Variants in ZBTB41 observed in about 807,000 individuals in gnomAD.
ZBTB41 encodes zinc finger and BTB domain containing 41.
Under a neutral mutation model 87.6 loss-of-function variants are expected in ZBTB41, and 42 were observed. That is an observed-to-expected ratio of 0.48 (90% confidence interval 0.37 to 0.62). The LOEUF is 0.62. Among genes scored for constraint, ZBTB41 ranks in the 20% least tolerant of loss-of-function variants. The pLI is 0.00. For synonymous variants in ZBTB41, 364 were observed against 364.0 expected (o/e 1.00, Z 0.00); for missense variants, 799 against 1,078.9 (o/e 0.74, Z 3.63).
At chr1:197,196,323 A>T (rs936025740) in intron 2 of ZBTB41, among the ~76,000 whole-genome samples, 5 of 152,160 alleles carry the variant, frequency 3.3e-5, no homozygotes, top group African/African-American at 1.2e-4. Context: ...GACACTTAAG[A>T]CACATGGATC....
chr1:197,187,815 T>TA (rs1376584689), intron 5 of ZBTB41, among the ~76,000 whole-genome samples: 4 of 151,798 alleles, frequency 2.6e-5, no homozygotes, highest in East Asian at 3.9e-4. Flanking sequence ...ATGAGGTATC[T>TA]AAAAAAAATG....
At chr1:197,193,045 A>G in intron 2 of ZBTB41, among the ~76,000 whole-genome samples, 1 of 152,238 alleles carries the variant, frequency 6.6e-6, no homozygotes, top group Admixed American at 6.5e-5. Context: ...TTAGGTATTT[A>G]GGTGTAGAAC....
chr1:197,191,410 T>C (rs1026694058), intron 3 of ZBTB41, among the ~76,000 whole-genome samples: 3 of 146,266 alleles, frequency 2.1e-5, no homozygotes, highest in Admixed American at 7.1e-5. Context: ...TGAGCTGAGA[T>C]TGTACCACTG....
chr1:197,185,734 A>C (rs1389142295), intron 5 of ZBTB41, among the ~76,000 whole-genome samples: 1 of 152,210 alleles, frequency 6.6e-6, no homozygotes, highest in African/African-American at 2.4e-5. Context: ...GTTCACCAAG[A>C]GTAGTTCAAC....
chr1:197,170,310 A>C (rs1659447836), intron 10 of ZBTB41, among the ~76,000 whole-genome samples: 1 of 151,982 alleles, frequency 6.6e-6, no homozygotes, highest in African/African-American at 2.4e-5. Flanking sequence ...ACCTGCTATG[A>C]GGGTAAGGAT....
At chr1:197,163,183 C>A (rs1175149744) in intron 10 of ZBTB41, among the ~76,000 whole-genome samples, 1 of 152,094 alleles carries the variant, frequency 6.6e-6, no homozygotes, top group Non-Finnish European at 1.5e-5. Context: ...AAAACAAAGT[C>A]CTCTCATATT....
Position 197,181,025 on chromosome 1 carries a change from AT to A in ZBTB41, c.1638del (p.Lys546AsnfsTer17). 1 of 1,600,720 alleles carries A rather than the reference AT, an allele frequency of 6.2e-7. No homozygotes were observed. Among genetic ancestry groups the A allele is most frequent in the Non-Finnish European group, 8.5e-7 (1 of 1,176,858 alleles). On this transcript the variant is annotated frameshift_variant, in exon 6 of 11. Coordinates refer to ENST00000367405, the MANE Select transcript of ZBTB41 (RefSeq NM_194314.3). LOFTEE classifies it high-confidence loss of function. The stretch of plus-strand genomic sequence containing the variant: ...GATTTTCCACAGATAAAGCAAGTCC[AT>A]TTTCTCTTTCCACCATGAGTACATT... Reference protein sequence around the residue: ...HIECTHGGKRKWTCFICGKSV... With the variant: ...HIECTHGGKRXWTCFICGKSV...
At chr1:197,168,420 CA>C (rs1471784918) in intron 10 of ZBTB41, among the ~76,000 whole-genome samples, 1 of 151,838 alleles carries the variant, frequency 6.6e-6, no homozygotes, top group East Asian at 1.9e-4. Flanking sequence ...TACAAAGGGA[CA>C]AAAATAATAA....
intron 4 of ZBTB41, among the ~76,000 whole-genome samples, 160 bp downstream of exon 4, chr1:197,190,602 G>A (rs1258004559): frequency 6.6e-6 from 1 of 151,970 alleles, no homozygotes; most frequent in African/African-American, 2.4e-5. Flanking sequence ...CCTATACCAG[G>A]CTTAATTTAC....
intron 9 of ZBTB41, among the ~76,000 whole-genome samples, chr1:197,173,540 G>C (rs1428433765): frequency 1.3e-5 from 2 of 152,112 alleles, no homozygotes; most frequent in African/African-American, 4.8e-5. Context: ...GAGTAGCTGA[G>C]ACTACAGGTA....
intron 2 of ZBTB41, among the ~76,000 whole-genome samples, chr1:197,196,472 A>C (rs963022481): frequency 9.2e-5 from 14 of 152,110 alleles, no homozygotes; most frequent in Non-Finnish European, 1.0e-4. Flanking sequence ...CTACATTATC[A>C]TTCTGGTCCT....
Position 197,155,311 on chromosome 1 carries a change from TA to T in ZBTB41, c.*4047del, listed in dbSNP as rs986678895. 5.7e-4 allele frequency: 79 copies of T among 137,982 alleles called. No individual in the cohort carries two copies. The highest frequency in any genetic ancestry group is 4.3e-4 in the Admixed American group (6 of 13,918). 8.5% of individuals were successfully genotyped at this position (137,982 alleles called of 1,614,324 possible). On this transcript the variant is annotated 3_prime_UTR_variant, in exon 11 of 11. Transcript: ENST00000367405. ...TTGCCTATATAAACATAAAGCAACCTAAAAAAAAAAAGTTGCCCAACCAGCA... is the reference window on the plus strand; with the variant it reads ...TTGCCTATATAAACATAAAGCAACCTAAAAAAAAAAGTTGCCCAACCAGCA...
In ZBTB41 at chr1:197,159,796, A is replaced by G. The variant is rs1659156271; in HGVS notation, c.2293T>C (p.Ser765Pro). 6.2e-7 allele frequency: 1 copy of G among 1,614,016 alleles called. No individual in the cohort carries two copies. Among genetic ancestry groups the G allele is most frequent in the East Asian group, 2.2e-5 (1 of 44,876 alleles). ...TCAGATGAGTACTCAACTGGCAAGG[A>G]TACAAGTTTTTCCTCAGAAGTACTG... ...PLSTSEEKLV[S>P]LPVEYSSDDK... The change falls in exon 11 of 11, where the codon TCC becomes CCC. Residue 765 changes from serine to proline, a missense_variant. Around this residue, in one of 5 missense-constraint regions of ZBTB41, gnomAD observed 171 missense variants for 191.9 expected, o/e 0.89. Transcript: ENST00000367405.
chr1:197,189,608 C>G (rs1269475768), intron 4 of ZBTB41, among the ~76,000 whole-genome samples: 2 of 152,076 alleles, frequency 1.3e-5, no homozygotes, highest in African/African-American at 4.8e-5. Context: ...TACGATGGTA[C>G]TCCTCCTGTT....
At chr1:197,180,895 T>C in intron 6 of ZBTB41, 93 bp downstream of exon 6, 1 of 1,357,350 alleles carries the variant, frequency 7.4e-7, no homozygotes. Flanking sequence ...GCATTTTGTG[T>C]CTTATGTTAC....
rs61819118 is a variant in ZBTB41, at chr1:197,178,341, A to G, written c.1772+76T>C. The stretch of plus-strand genomic sequence containing the variant: ...ACTAAGAAATGTTTCAATTCAACAA[A>G]GTAATAAGAAAATAGAACTAAAATA... On this transcript the variant is annotated intron_variant, in intron 7 of 10. Transcript: ENST00000367405. 6 of 1,025,598 alleles carry G rather than the reference A, an allele frequency of 5.9e-6. No individual in the cohort carries two copies. In the African/African-American group the frequency reaches 1.0e-4, roughly 17 times the overall value. 63.5% of individuals were successfully genotyped at this position (1,025,598 alleles called of 1,614,324 possible).
rs549431154 is a variant in ZBTB41 at position 197,178,348 on chromosome 1, A to G, written c.1772+69T>C. 2.8e-5 allele frequency: 31 copies of G among 1,114,726 alleles called. No homozygotes were observed. In the Admixed American group the frequency reaches 3.2e-4, roughly 12 times the overall value. 69.1% of individuals were successfully genotyped at this position (1,114,726 alleles called of 1,614,324 possible). A position where few individuals can be genotyped will look rare whatever the true frequency, so the allele number is the denominator to read the frequency against. On this transcript the variant is annotated intron_variant, in intron 7 of 10. Transcript: ENST00000367405. ...AATGTTTCAATTCAACAAAGTAATAAGAAAATAGAACTAAAATAGAGATAT... is the reference window on the plus strand; with the variant it reads ...AATGTTTCAATTCAACAAAGTAATAGGAAAATAGAACTAAAATAGAGATAT...
chr1:197,188,527 T>C (rs1571664798), intron 4 of ZBTB41, 88 bp from the exon 5 acceptor site: 1 of 1,232,146 alleles, frequency 8.1e-7, no homozygotes, highest in East Asian at 2.7e-5. Context: ...CCATATAAAT[T>C]CAATAAAGAG....
In ZBTB41 at chr1:197,156,961, A is replaced by G. The variant is rs1343718578; in HGVS notation, c.*2398T>C. On this transcript the variant is annotated 3_prime_UTR_variant, in exon 11 of 11. Coordinates refer to ENST00000367405, the MANE Select transcript of ZBTB41 (RefSeq NM_194314.3). ...TATCTTAACCTCAAATTCTTTATAA[A>G]GTGGGAATATAGCTTGTTTTTACTA... 1 of 152,158 alleles carries G rather than the reference A, an allele frequency of 6.6e-6. No individual in the cohort carries two copies. The highest frequency in any genetic ancestry group is 2.4e-5 in the African/African-American group (1 of 41,392). The allele number at this position is 152,158 out of a possible 1,614,324, so 9.4% of individuals were successfully genotyped here.
Sources: allele counts gnomAD v4.1 joint callset (sites outside exome capture counted in the v4.1 genomes callset), GRCh38; gene constraint gnomAD v4.1.1; regional missense constraint gnomAD v4.1.1; transcripts MANE v1.5; gene names NCBI Gene and HGNC (gene_info 2026-07-23, HGNC 2026-07-21).